The following UBE2B variants were observed in gnomAD, a reference collection of about 807,000 sequenced individuals.
UBE2B encodes ubiquitin-conjugating enzyme E2 B.
Under a neutral mutation model 24.6 loss-of-function variants are expected in UBE2B, and 11 were observed. That is an observed-to-expected ratio of 0.45 (90% CI 0.28 to 0.74). The LOEUF is 0.74. UBE2B is among the 30% of genes least tolerant of loss of function. The pLI is 0.13. For synonymous variants in UBE2B, 68 were observed against 62.4 expected, an observed-to-expected ratio of 1.09 and a Z score of -0.42; for missense variants, 78 against 185.6, an observed-to-expected ratio of 0.42 and a Z score of 3.37.
chr5:134,379,595 G>A, intron 3 of UBE2B, among the ~76,000 whole-genome samples: 1 of 146,706 alleles, frequency 6.8e-6, no homozygotes, highest in Admixed American at 7.1e-5. Flanking sequence ...GCAGTAAGCT[G>A]AGATGGTGCC....
chr5:134,385,809 C>T (rs34166727), intron 4 of UBE2B, among the ~76,000 whole-genome samples: 19,062 of 151,688 alleles, frequency 0.13, 1,381 homozygotes, highest in African/African-American at 0.18. Context: ...GTCAGGACTT[C>T]GAGACTAGCC....
In UBE2B at chr5:134,390,482, G is replaced by A. The variant is rs1758883313; in HGVS notation, c.*129G>A. 1.8e-6 allele frequency: 2 copies of A among 1,116,944 alleles called. No homozygotes were observed. The highest frequency in any genetic ancestry group is 2.6e-6 in the Non-Finnish European group (2 of 778,750). The allele number at this position is 1,116,944 out of a possible 1,614,324, so 69.2% of individuals were successfully genotyped here. ...AGAAAAAAAAGAAAAAAGTCCTTCA[G>A]TTTAGAACCTACAAAAGCTTGTGTA... On this transcript the variant is annotated 3_prime_UTR_variant, in exon 6 of 6. Transcript: ENST00000265339. This position sits in a 1 kb window ranked among gnomAD's most constrained non-coding sequence, Gnocchi z 4.6.
intron 2 of UBE2B, among the ~76,000 whole-genome samples, chr5:134,376,362 T>TATATATATATATAC (rs1183340869): frequency 2.2e-5 from 2 of 89,480 alleles, no homozygotes; most frequent in African/African-American, 4.1e-5. Context: ...TATATATATA[T>TATATATATATATAC]ATACACATAT....
intron 3 of UBE2B, among the ~76,000 whole-genome samples, chr5:134,379,514 C>T (rs1758669194): frequency 6.6e-6 from 1 of 151,890 alleles, no homozygotes; most frequent in Non-Finnish European, 1.5e-5. Flanking sequence ...GGCGGGATGG[C>T]ACGTGCCTGT....
At chr5:134,382,731 G>A (rs1350015347) in intron 4 of UBE2B, among the ~76,000 whole-genome samples, 2 of 151,210 alleles carry the variant, frequency 1.3e-5, no homozygotes, top group African/African-American at 4.9e-5. Context: ...CCATGATTGT[G>A]CCACCGCTCT....
rs188271882 is a variant in UBE2B at position 134,389,016 on chromosome 5, A to G, written c.330+603A>G. ...GCCCAGACTGGAGTGCAATGGCACA[A>G]TCTTGGCTCACCGCAACCTCTGCCT... is the stretch of plus-strand genomic sequence containing the variant. On this transcript the variant is annotated intron_variant, in intron 5 of 5. Coordinates refer to ENST00000265339, the MANE Select transcript of UBE2B (RefSeq NM_003337.4). 15 of 308,476 alleles carry G rather than the reference A, an allele frequency of 4.9e-5. 1 individual carries two copies. Among genetic ancestry groups the G allele is most frequent in the African/African-American group, 1.8e-4 (7 of 38,012 alleles). The allele number at this position is 308,476 out of a possible 1,614,324, so 19.1% of individuals were successfully genotyped here.
intron 4 of UBE2B, among the ~76,000 whole-genome samples, chr5:134,384,201 G>A (rs6882633): frequency 0.14 from 20,801 of 152,092 alleles, 1,706 homozygotes; most frequent in African/African-American, 0.22. Context: ...CCTCTTGGTC[G>A]TGTCTCTAGT....
intron 4 of UBE2B, among the ~76,000 whole-genome samples, chr5:134,383,081 C>G (rs975609459): frequency 2.0e-5 from 3 of 152,088 alleles, no homozygotes; most frequent in Non-Finnish European, 4.4e-5. Flanking sequence ...GGGAGAATTG[C>G]TTGAACCCGG....
rs775817665 is a variant in UBE2B, at chr5:134,374,416, C to T, written c.78C>T (p.Gly26=). The change falls in exon 2 of 6, where the codon GGC becomes GGT. Residue 26 remains glycine, a synonymous_variant. Transcript: ENST00000265339. ...LQEDPPVGVS[G]APSENNIMQW... is the part of the protein sequence containing the mutation. ...AGGACCCACCTGTGGGTGTCAGTGG[C>T]GCACCATCTGAAAACAACATCATGC... 8.4e-6 allele frequency: 13 copies of T among 1,556,586 alleles called. No homozygotes were observed. The highest frequency in any genetic ancestry group is 3.6e-5 in the South Asian group (3 of 84,366).
chr5:134,371,741 G>A, intron 1 of UBE2B, 102 bp downstream of exon 1: 2 of 1,533,252 alleles, frequency 1.3e-6, no homozygotes, highest in Non-Finnish European at 8.9e-7. Context: ...CAGAGGGCCG[G>A]CTGTGGGCCC....
chr5:134,379,030 A>G (rs1175201274), intron 3 of UBE2B, among the ~76,000 whole-genome samples: 1 of 151,904 alleles, frequency 6.6e-6, no homozygotes, highest in African/African-American at 2.4e-5. Flanking sequence ...CAGCTTCCTG[A>G]TACTTACTTT....
Position 134,371,607 on chromosome 5 carries a change from G to T in UBE2B, c.12G>T (p.Pro4=), listed in dbSNP as rs1283642412. MST[P]ARRRLMRDFK... ...GGCAGCTGCGGAGCATGTCGACCCC[G>T]GCCCGGAGGAGGCTCATGCGGGATT... The change falls in exon 1 of 6, where the codon CCG becomes CCT. Residue 4 remains proline (P), a synonymous_variant. Coordinates refer to ENST00000265339, the MANE Select transcript of UBE2B (RefSeq NM_003337.4). 1.2e-6 allele frequency: 2 copies of T among 1,612,784 alleles called. No homozygotes were observed. Among genetic ancestry groups the T allele is most frequent in the Admixed American group, 1.7e-5 (1 of 59,992 alleles).
chr5:134,390,452 T>C lies in UBE2B; in HGVS notation c.*99T>C. The stretch of plus-strand genomic sequence containing the variant: ...TTTAAGTGCCACAGGTTTTAAGGAT[T>C]CTGCAGAAAAAAAAGAAAAAAGTCC... On this transcript the variant is annotated 3_prime_UTR_variant, in exon 6 of 6. Coordinates refer to ENST00000265339, the MANE Select transcript of UBE2B (RefSeq NM_003337.4). The surrounding 1 kb of genome is among the most constrained non-coding windows in gnomAD (Gnocchi z 4.6). 1 of 1,491,622 alleles carries C rather than the reference T, an allele frequency of 6.7e-7. No individual in the cohort carries two copies. Among genetic ancestry groups the C allele is most frequent in the Non-Finnish European group, 9.2e-7 (1 of 1,092,650 alleles). 92.4% of individuals were successfully genotyped at this position (1,491,622 alleles called of 1,614,324 possible). A position where few individuals can be genotyped will look rare whatever the true frequency, so the allele number is the denominator to read the frequency against.
At chr5:134,372,686 C>T (rs1339277946) in intron 1 of UBE2B, among the ~76,000 whole-genome samples, 2 of 152,114 alleles carry the variant, frequency 1.3e-5, no homozygotes, top group Non-Finnish European at 2.9e-5. Flanking sequence ...TTCTCTTAGC[C>T]ATTTAAAGGT....
chr5:134,390,199 C>T lies in UBE2B; in HGVS notation c.331-26C>T, dbSNP rs776614901. The stretch of plus-strand genomic sequence containing the variant: ...TGGTATAAAGAACAACTATGCAAAT[C>T]TGTTTTTTCTTTTCTTTCCTCCTAG... On this transcript the variant is annotated intron_variant, in intron 5 of 5. Coordinates refer to ENST00000265339, the MANE Select transcript of UBE2B (RefSeq NM_003337.4). The surrounding 1 kb of genome is among the most constrained non-coding windows in gnomAD (Gnocchi z 4.6). 5.6e-6 allele frequency: 9 copies of T among 1,613,262 alleles called. No homozygotes were observed. Among genetic ancestry groups the T allele is most frequent in the Non-Finnish European group, 6.8e-6 (8 of 1,179,820 alleles).
intron 4 of UBE2B, among the ~76,000 whole-genome samples, chr5:134,384,750 C>T (rs1310962186): frequency 2.6e-5 from 4 of 152,152 alleles, no homozygotes; most frequent in Non-Finnish European, 5.9e-5. Flanking sequence ...AATTGTACAA[C>T]TCAAATGGTT....
intron 4 of UBE2B, among the ~76,000 whole-genome samples, chr5:134,382,607 C>G (rs1257465173): frequency 6.6e-6 from 1 of 151,942 alleles, no homozygotes; most frequent in East Asian, 1.9e-4. Flanking sequence ...AACCCTGTCT[C>G]TACAAAAAAT....
At chr5:134,384,020 T>A (rs1758757252) in intron 4 of UBE2B, among the ~76,000 whole-genome samples, 2 of 152,238 alleles carry the variant, frequency 1.3e-5, no homozygotes, top group Admixed American at 6.5e-5. Flanking sequence ...TTGGTCTTCC[T>A]TGACATCTTG....
intron 5 of UBE2B, among the ~76,000 whole-genome samples, chr5:134,389,695 C>T (rs749460761): frequency 9.2e-5 from 14 of 152,050 alleles, no homozygotes; most frequent in Non-Finnish European, 2.1e-4. Context: ...TACGGGCATG[C>T]GCCACCACAC....
Sources: gnomAD v4.1 joint callset for allele counts (sites outside exome capture counted in the v4.1 genomes callset) on GRCh38, gnomAD v4.1.1 for gene constraint, Gnocchi (gnomAD v3.1) non-coding constraint, MANE v1.5 for transcripts, NCBI Gene and HGNC (gene_info 2026-07-23, HGNC 2026-07-21) for gene names.